The following ACKR3 variants were observed in gnomAD, a reference collection of about 807,000 sequenced individuals.
The protein encoded by ACKR3 is atypical chemokine receptor 3.
A neutral mutation model predicts 22.4 loss-of-function variants in ACKR3; 6 were observed. The observed-to-expected ratio is 0.27, with a 90% CI of 0.15 to 0.53. The LOEUF (loss-of-function observed/expected upper bound fraction) is 0.53. ACKR3 is among the 20% of genes least tolerant of loss of function. ACKR3 has a pLI of 0.96. For missense variants in ACKR3, 396 were observed against 475.2 expected, an observed-to-expected ratio of 0.83 and a Z score of 1.55; for synonymous variants, 209 against 205.2, an observed-to-expected ratio of 1.02 and a Z score of -0.16.
intron 1 of ACKR3, among the ~76,000 whole-genome samples, 174 bp downstream of exon 1, chr2:236,570,098 T>C (rs1691277237): frequency 6.6e-6 from 1 of 152,252 alleles, no homozygotes; most frequent in Non-Finnish European, 1.5e-5. Flanking sequence ...TGCAAAGTGC[T>C]TTTGCTAATT....
the ACKR3 span, among the ~76,000 whole-genome samples, chr2:236,548,350 A>G: frequency 6.6e-6 from 1 of 152,218 alleles, no homozygotes; most frequent in Non-Finnish European, 1.5e-5. The surrounding 1 kb of genome is among the most constrained non-coding windows in gnomAD (Gnocchi z 4.3). Context: ...ATGAAGGCCT[A>G]CTTTAAACTG....
At chr2:236,548,619 G>C in the ACKR3 span, among the ~76,000 whole-genome samples, 1 of 152,120 alleles carries the variant, frequency 6.6e-6, no homozygotes, top group Non-Finnish European at 1.5e-5. This position sits in a 1 kb window ranked among gnomAD's most constrained non-coding sequence, Gnocchi z 4.3. Flanking sequence ...AACCAATTCA[G>C]GAAGAGGACA....
upstream of ACKR3, among the ~76,000 whole-genome samples, chr2:236,569,075 G>C (rs1292377700): frequency 2.0e-5 from 3 of 152,214 alleles, no homozygotes; most frequent in Admixed American, 2.0e-4. Flanking sequence ...TAAGAATGTA[G>C]ATTGCAATAA....
the ACKR3 span, among the ~76,000 whole-genome samples, chr2:236,555,750 C>A: frequency 6.6e-6 from 1 of 150,986 alleles, no homozygotes; most frequent in South Asian, 2.1e-4. Context: ...TTTGCTTAAA[C>A]TAGTTCTAGT....
At position 236,574,952 on chromosome 2, in the gene ACKR3, C is replaced by T. The variant is rs1161473474; in HGVS notation, c.-27+5028C>T. Among the ~76,000 whole-genome samples, 3 of 152,120 alleles carry T rather than the reference C, an allele frequency of 2.0e-5. No individual in the cohort carries two copies. The highest frequency in any genetic ancestry group is 4.4e-5 in the Non-Finnish European group (3 of 68,014). The stretch of plus-strand genomic sequence containing the variant: ...GGCTGGACAGGTGCTTGCCCACCGC[C>T]GGCCACGGGAAAGTTCTCTCCCTGT... On this transcript the variant is annotated intron_variant, in intron 1 of 1. Transcript: ENST00000272928. This position sits in a 1 kb window ranked among gnomAD's most constrained non-coding sequence, Gnocchi z 5.6.
At chr2:236,563,718 T>C (rs927107257), upstream of ACKR3, among the ~76,000 whole-genome samples, 1 of 152,124 alleles carries the variant, frequency 6.6e-6, no homozygotes, top group Non-Finnish European at 1.5e-5. Flanking sequence ...GGTGTTGCTG[T>C]TCCCAGATTC....
chr2:236,545,608 G>A, the ACKR3 span, among the ~76,000 whole-genome samples: 2 of 152,150 alleles, frequency 1.3e-5, no homozygotes, highest in East Asian at 1.9e-4. This position sits in a 1 kb window ranked among gnomAD's most constrained non-coding sequence, Gnocchi z 5.3. Context: ...GTATCAAATC[G>A]TCAATAAAAG....
chr2:236,572,463 AG>A (rs1337528921), intron 1 of ACKR3, among the ~76,000 whole-genome samples: 2 of 152,264 alleles, frequency 1.3e-5, no homozygotes, highest in Non-Finnish European at 2.9e-5. Flanking sequence ...TCAGCCAGAT[AG>A]TAAGCATCTT....
the ACKR3 span, among the ~76,000 whole-genome samples, chr2:236,560,912 CT>C: frequency 6.6e-6 from 1 of 152,164 alleles, no homozygotes; most frequent in African/African-American, 2.4e-5. Flanking sequence ...CCTAAATGTC[CT>C]TTGTCAGGTG....
At chr2:236,539,558 C>T in the ACKR3 span, among the ~76,000 whole-genome samples, 1 of 152,110 alleles carries the variant, frequency 6.6e-6, no homozygotes, top group Non-Finnish European at 1.5e-5. Context: ...AGTGATCCAC[C>T]TGCCTCAGCC....
the ACKR3 span, among the ~76,000 whole-genome samples, chr2:236,552,541 T>G: frequency 2.0e-5 from 3 of 152,126 alleles, no homozygotes; most frequent in Non-Finnish European, 4.4e-5. Flanking sequence ...CAACTTTCCT[T>G]TTTGGGAGGA....
At chr2:236,549,759 T>A in the ACKR3 span, among the ~76,000 whole-genome samples, 1 of 152,208 alleles carries the variant, frequency 6.6e-6, no homozygotes, top group Admixed American at 6.5e-5. The surrounding 1 kb of genome is among the most constrained non-coding windows in gnomAD (Gnocchi z 5.3). Context: ...CATAGCTGTG[T>A]CAGGTGCAAC....
chr2:236,571,642 A>AAAC (rs1553634887), intron 1 of ACKR3, among the ~76,000 whole-genome samples: 72 of 142,794 alleles, frequency 5.0e-4, no homozygotes, highest in African/African-American at 1.9e-3. Context: ...AAAAAAAAAA[A>AAAC]CCCAAAACAA....
At chr2:236,572,988 C>A (rs1016602860) in intron 1 of ACKR3, among the ~76,000 whole-genome samples, 4 of 152,220 alleles carry the variant, frequency 2.6e-5, no homozygotes, top group African/African-American at 7.2e-5. Flanking sequence ...CACTCACGGT[C>A]ACTAGTGAAT....
rs1559474648 is a variant in ACKR3 at position 236,581,786 on chromosome 2, T to A, written c.*232T>A. The A allele has an allele frequency of 4.5e-6, 2 of 446,666 alleles. No homozygotes were observed. The allele number at this position is 446,666 out of a possible 1,614,324, so 27.7% of individuals were successfully genotyped here. A position where few individuals can be genotyped will look rare whatever the true frequency, so the allele number is the denominator to read the frequency against. On this transcript the variant is annotated 3_prime_UTR_variant, in exon 2 of 2. Coordinates refer to ENST00000272928, the MANE Select transcript of ACKR3 (RefSeq NM_020311.3). The surrounding 1 kb of genome is among the most constrained non-coding windows in gnomAD (Gnocchi z 4.4). ...GCAGAGCTGTGTCGCACAGCAGTGC[T>A]GTGCGTCAGAGCCAGCTGAGGACAG...
At chr2:236,570,416 A>G (rs1019272930) in intron 1 of ACKR3, among the ~76,000 whole-genome samples, 4 of 152,226 alleles carry the variant, frequency 2.6e-5, no homozygotes, top group Non-Finnish European at 5.9e-5. Flanking sequence ...GCATCCTTAA[A>G]TGGAGCAGAA....
chr2:236,567,426 G>A (rs1691208119), upstream of ACKR3, among the ~76,000 whole-genome samples: 1 of 152,236 alleles, frequency 6.6e-6, no homozygotes, highest in Admixed American at 6.5e-5. Context: ...TGGAGGTGGA[G>A]TTCTGCCCTT....
At chr2:236,555,661 T>C in the ACKR3 span, among the ~76,000 whole-genome samples, 5 of 152,162 alleles carry the variant, frequency 3.3e-5, no homozygotes, top group African/African-American at 9.7e-5. Context: ...TGACAGCCCC[T>C]GGTTCCTGTC....
the ACKR3 span, among the ~76,000 whole-genome samples, chr2:236,547,514 T>G: frequency 0.057 from 8,740 of 152,302 alleles, 757 homozygotes; most frequent in African/African-American, 0.19. Flanking sequence ...CAGACCATTT[T>G]TTTCCTGAGA....
Sources: allele counts gnomAD v4.1 joint callset (sites outside exome capture counted in the v4.1 genomes callset), GRCh38; gene constraint gnomAD v4.1.1; non-coding constraint Gnocchi (gnomAD v3.1); transcripts MANE v1.5; gene names NCBI Gene and HGNC (gene_info 2026-07-23, HGNC 2026-07-21).